Variants in INTS8 observed in about 807,000 individuals in gnomAD.
INTS8 encodes protein kaonashi-1.
A neutral mutation model predicts 138.9 loss-of-function variants in INTS8; 47 were observed. The observed-to-expected ratio is 0.34, with a 90% CI of 0.27 to 0.43. INTS8 has a LOEUF of 0.43. INTS8 is among the 20% of genes least tolerant of loss of function. The probability of loss-of-function intolerance (pLI) is 1.00; values close to 1 mark genes in which losing one functional copy is unlikely to be tolerated. For synonymous variants in INTS8, 392 were observed against 400.9 expected, an observed-to-expected ratio of 0.98 and a Z score of 0.27; for missense variants, 996 against 1,173.0, an observed-to-expected ratio of 0.85 and a Z score of 2.20.
intron 20 of INTS8, among the ~76,000 whole-genome samples, chr8:94,869,215 A>G (rs1816297017): frequency 6.6e-6 from 1 of 151,556 alleles, no homozygotes; most frequent in African/African-American, 2.4e-5. Flanking sequence ...TCCTGACCTC[A>G]GGTGATCTGC....
Position 94,871,928 on chromosome 8 carries a change from A to G in INTS8, c.2459A>G (p.Glu820Gly). 1 of 1,609,782 alleles carries G rather than the reference A, an allele frequency of 6.2e-7. No individual in the cohort carries two copies. Among genetic ancestry groups the G allele is most frequent in the Non-Finnish European group, 8.5e-7 (1 of 1,176,564 alleles). ...GAAGCTGTGGCAATCACAGTGAAAGAGCTAGTTCGATATACACTCAGTATA... is the reference window on the plus strand; with the variant it reads ...GAAGCTGTGGCAATCACAGTGAAAGGGCTAGTTCGATATACACTCAGTATA... ...DFEAVAITVK[E>G]LVRYTLSINP... The change falls in exon 21 of 27, where the codon GAG (glutamate) becomes GGG (glycine). Residue 820 changes from glutamate (E) to glycine (G), a missense_variant. Transcript: ENST00000523731.
chr8:94,823,686 G>A (rs1433005261), intron 1 of INTS8, 125 bp downstream of exon 1: 4 of 729,230 alleles, frequency 5.5e-6, no homozygotes, highest in Non-Finnish European at 8.6e-6. Context: ...CAGGAGCCCA[G>A]CTCCGGCCGG....
chr8:94,864,071 T>C (rs1215482179), intron 16 of INTS8, among the ~76,000 whole-genome samples: 1 of 152,232 alleles, frequency 6.6e-6, no homozygotes, highest in Non-Finnish European at 1.5e-5. Flanking sequence ...TGAAATATTG[T>C]GTCTAACTTA....
At chr8:94,871,826 A>G in intron 20 of INTS8, 58 bp from the exon 21 acceptor site, 1 of 943,146 alleles carries the variant, frequency 1.1e-6, no homozygotes, top group Non-Finnish European at 1.7e-6. Flanking sequence ...AAATACATGC[A>G]TGGAATTTAA....
intron 8 of INTS8, 109 bp downstream of exon 8, chr8:94,838,727 C>A: frequency 4.1e-6 from 3 of 726,742 alleles, no homozygotes; most frequent in Non-Finnish European, 7.1e-6. Flanking sequence ...AAGTCATTTA[C>A]ACTGTCATAC....
intron 26 of INTS8, among the ~76,000 whole-genome samples, chr8:94,879,611 CA>C (rs1369688731): frequency 6.8e-5 from 7 of 102,944 alleles, no homozygotes; most frequent in Non-Finnish European, 1.2e-4. Context: ...AAACAAAAAA[CA>C]AACAAAAAAA....
intron 18 of INTS8, 108 bp downstream of exon 18, chr8:94,866,299 A>ATT: frequency 1.5e-6 from 1 of 679,632 alleles, no homozygotes; most frequent in Non-Finnish European, 2.7e-6. Flanking sequence ...TTGTTTTTTA[A>ATT]TTTTTTTTTA....
intron 9 of INTS8, among the ~76,000 whole-genome samples, chr8:94,842,018 G>A (rs532759048): frequency 3.3e-5 from 5 of 150,708 alleles, no homozygotes; most frequent in East Asian, 2.0e-4. Flanking sequence ...GCAGTGAGCC[G>A]AGATTGCACC....
intron 14 of INTS8, among the ~76,000 whole-genome samples, chr8:94,856,416 T>A (rs977424172): frequency 1.3e-5 from 2 of 152,224 alleles, no homozygotes; most frequent in Admixed American, 1.3e-4. Flanking sequence ...TTGGAATGTG[T>A]AACCCTTGAA....
chr8:94,876,036 C>T (rs372806887), intron 23 of INTS8, 38 bp from the exon 24 acceptor site: 6 of 1,353,360 alleles, frequency 4.4e-6, no homozygotes, highest in Non-Finnish European at 6.3e-6. Flanking sequence ...ACCAAGCTTT[C>T]ATTACATGAA....
At chr8:94,842,242 A>G in intron 9 of INTS8, 105 bp from the exon 10 acceptor site, 1 of 646,464 alleles carries the variant, frequency 1.5e-6, no homozygotes, top group East Asian at 2.9e-5. Flanking sequence ...CTAAAATCTT[A>G]CCTCTTAAGA....
At chr8:94,841,058 A>G (rs1815117236) in intron 8 of INTS8, among the ~76,000 whole-genome samples, 1 of 151,442 alleles carries the variant, frequency 6.6e-6, no homozygotes, top group South Asian at 2.1e-4. Context: ...GATTACATGC[A>G]AGTGCCATGA....
intron 5 of INTS8, 53 bp downstream of exon 5, chr8:94,829,079 G>C: frequency 7.5e-7 from 1 of 1,339,292 alleles, no homozygotes; most frequent in Non-Finnish European, 1.1e-6. Flanking sequence ...CTTTAGAGCA[G>C]CAGTTCCCAA....
chr8:94,846,668 CAG>C (rs1253608445), intron 10 of INTS8, among the ~76,000 whole-genome samples: 3 of 152,216 alleles, frequency 2.0e-5, no homozygotes, highest in Non-Finnish European at 4.4e-5. Context: ...CTCCCAGTCT[CAG>C]AAAGCAAGCT....
intron 14 of INTS8, 54 bp from the exon 15 acceptor site, chr8:94,856,723 C>T: frequency 1.4e-6 from 2 of 1,456,034 alleles, no homozygotes; most frequent in Admixed American, 1.7e-5. Context: ...TAAAGGCACA[C>T]ATTTTTTGGC....
chr8:94,867,080 G>T, intron 18 of INTS8, 60 bp from the exon 19 acceptor site: 1 of 1,252,124 alleles, frequency 8.0e-7, no homozygotes, highest in South Asian at 1.4e-5. Context: ...AGGTTGACAG[G>T]AGCAATATTA....
intron 16 of INTS8, among the ~76,000 whole-genome samples, chr8:94,860,907 A>G (rs550246539): frequency 3.3e-5 from 5 of 151,680 alleles, no homozygotes; most frequent in African/African-American, 1.2e-4. Context: ...TACAAAAAAA[A>G]TTAGCCGGGC....
At position 94,838,504 on chromosome 8, in the gene INTS8, G is replaced by T. The variant is rs758995001; in HGVS notation, c.903G>T (p.Arg301=). Residue 301 remains arginine, a synonymous_variant, in exon 8 of 27, where the codon CGG becomes CGT. Transcript: ENST00000523731. The part of the protein sequence containing the change: ...LSLHCTIDEK[R]LAGYCQACDV... ...TTCATTGTACCATAGATGAGAAGCGGTTAGCTGGCTATTGTCAAGCATGTG... is the reference window on the plus strand; with the variant it reads ...TTCATTGTACCATAGATGAGAAGCGTTTAGCTGGCTATTGTCAAGCATGTG... 3 of 1,613,420 alleles carry T rather than the reference G, an allele frequency of 1.9e-6. No homozygotes were observed. Among genetic ancestry groups the T allele is most frequent in the Non-Finnish European group, 8.5e-7 (1 of 1,179,472 alleles).
intron 10 of INTS8, among the ~76,000 whole-genome samples, chr8:94,844,759 T>C (rs925195971): frequency 6.6e-6 from 1 of 151,148 alleles, no homozygotes; most frequent in African/African-American, 2.4e-5. Flanking sequence ...TTTCTTTTTT[T>C]TTTTTTTTTG....
Sources: allele counts gnomAD v4.1 joint callset (sites outside exome capture counted in the v4.1 genomes callset), GRCh38; gene constraint gnomAD v4.1.1; transcripts MANE v1.5; gene names NCBI Gene and HGNC (gene_info 2026-07-23, HGNC 2026-07-21).